LRRTM4: variants seen among roughly 807,000 people sequenced by gnomAD.
LRRTM4 encodes leucine rich repeat transmembrane neuronal 4.
In LRRTM4, 25 loss-of-function variants were observed where a neutral mutation model predicts 47.6. The observed-to-expected ratio is 0.53, with a 90% CI of 0.38 to 0.73. LRRTM4 has a LOEUF of 0.73. Among genes scored for constraint, LRRTM4 ranks in the 30% least tolerant of loss-of-function variants. LRRTM4 has a pLI of 0.00. For missense variants in LRRTM4, 638 were observed against 713.4 expected, an observed-to-expected ratio of 0.89 and a Z score of 1.20; for synonymous variants, 311 against 269.5, an observed-to-expected ratio of 1.15 and a Z score of -1.51.
At chr2:77,382,728 A>G (rs1335549009) in intron 3 of LRRTM4, among the ~76,000 whole-genome samples, 1 of 152,116 alleles carries the variant, frequency 6.6e-6, no homozygotes, top group African/African-American at 2.4e-5. Context: ...TTCTGCTCAG[A>G]TCATTTTAGA....
At chr2:77,521,323 A>G (rs1268590457) in intron 2 of LRRTM4, among the ~76,000 whole-genome samples, 1 of 152,074 alleles carries the variant, frequency 6.6e-6, no homozygotes, top group Non-Finnish European at 1.5e-5. Context: ...GACAGCTACC[A>G]GAAACACAAG....
chr2:77,081,072 A>C (rs1012171855), intron 3 of LRRTM4, among the ~76,000 whole-genome samples: 16 of 151,770 alleles, frequency 1.1e-4, no homozygotes, highest in African/African-American at 3.6e-4. Flanking sequence ...GTAATTTATC[A>C]CCTTTCTCTA....
At chr2:77,172,075 C>G (rs1673063829) in intron 3 of LRRTM4, among the ~76,000 whole-genome samples, 1 of 152,190 alleles carries the variant, frequency 6.6e-6, no homozygotes, top group Non-Finnish European at 1.5e-5. Flanking sequence ...CTGCCTGCAA[C>G]TTCCTTACAA....
intron 3 of LRRTM4, among the ~76,000 whole-genome samples, chr2:76,872,081 A>G (rs1265237105): frequency 6.6e-6 from 1 of 152,216 alleles, no homozygotes; most frequent in Non-Finnish European, 1.5e-5. Context: ...AGTATGTGCT[A>G]TTTTAAGCTG....
intron 3 of LRRTM4, among the ~76,000 whole-genome samples, chr2:77,204,495 C>G (rs907926154): frequency 6.6e-6 from 1 of 151,922 alleles, no homozygotes; most frequent in African/African-American, 2.4e-5. Flanking sequence ...AGAAACTATT[C>G]TAGTTGGGGA....
chr2:76,836,159 TAAA>T (rs11361011), intron 3 of LRRTM4, among the ~76,000 whole-genome samples: 7,226 of 146,044 alleles, frequency 0.049, 553 homozygotes, highest in African/African-American at 0.16. Flanking sequence ...TAGTATGCGG[TAAA>T]AAAAAAAAAA....
chr2:77,416,536 C>T (rs1001760505), intron 3 of LRRTM4, among the ~76,000 whole-genome samples: 1 of 151,994 alleles, frequency 6.6e-6, no homozygotes, highest in Non-Finnish European at 1.5e-5. Context: ...ATTAAAATGG[C>T]TACAAATTCA....
chr2:77,018,772 T>TAAGTCCTTTGATG (rs11271113), intron 3 of LRRTM4, among the ~76,000 whole-genome samples: 85,126 of 151,744 alleles, frequency 0.56, 26,254 homozygotes, highest in African/African-American at 0.83. Flanking sequence ...TTAAGAAGTT[T>TAAGTCCTTTGATG]AAGTTCTTTG....
chr2:77,218,502 CTTTATTTATTTATTTA>C (rs10607132), intron 3 of LRRTM4, among the ~76,000 whole-genome samples: 16 of 146,126 alleles, frequency 1.1e-4, no homozygotes, highest in Admixed American at 5.5e-4. Context: ...CCATGTTCTG[CTTTATTTATTTATTTA>C]TTTATTTATT....
chr2:76,901,669 G>A (rs111437377), intron 3 of LRRTM4, among the ~76,000 whole-genome samples: 4 of 152,108 alleles, frequency 2.6e-5, no homozygotes, highest in African/African-American at 4.8e-5. Flanking sequence ...ACATGTTACT[G>A]TCTGTAGATA....
intron 3 of LRRTM4, among the ~76,000 whole-genome samples, chr2:77,505,063 G>T (rs1280055729): frequency 2.7e-5 from 4 of 150,780 alleles, no homozygotes; most frequent in African/African-American, 7.3e-5. Context: ...AACTAATAAA[G>T]AACATAATAT....
intron 3 of LRRTM4, among the ~76,000 whole-genome samples, chr2:77,319,653 G>T (rs572479654): frequency 1.3e-4 from 20 of 152,256 alleles, no homozygotes; most frequent in Non-Finnish European, 1.9e-4. Flanking sequence ...CAGATTTTCT[G>T]GCGTACAGGC....
intron 3 of LRRTM4, among the ~76,000 whole-genome samples, chr2:77,299,447 C>G (rs1677068984): frequency 6.6e-6 from 1 of 151,778 alleles, no homozygotes. Context: ...TTTACATTTT[C>G]ATTATTTCCA....
At chr2:77,283,302 C>A (rs1676557119) in intron 3 of LRRTM4, among the ~76,000 whole-genome samples, 3 of 151,864 alleles carry the variant, frequency 2.0e-5, no homozygotes, top group Non-Finnish European at 4.4e-5. Flanking sequence ...GTCAGAATGG[C>A]TATTATAAAA....
rs1427571574 is a variant in LRRTM4, at chr2:77,206,516, G to A, written c.1551+311802C>T. On this transcript the variant is annotated intron_variant, in intron 3 of 3. Transcript: ENST00000409884. Reference sequence around the variant, plus strand: ...AAGATTTTTTTTGAGACAGAGTCTCGCACAGTCACCCAGGCTGGAGTGCAG... The same window carrying A: ...AAGATTTTTTTTGAGACAGAGTCTCACACAGTCACCCAGGCTGGAGTGCAG... Among the ~76,000 whole-genome samples, 7 of 150,652 alleles carry A rather than the reference G, an allele frequency of 4.6e-5. No individual in the cohort carries two copies. The South Asian group carries it at 1.1e-3, about 23-fold the overall frequency.
intron 3 of LRRTM4, among the ~76,000 whole-genome samples, chr2:77,233,260 T>G (rs561956310): frequency 2.0e-5 from 3 of 152,344 alleles, no homozygotes; most frequent in East Asian, 3.9e-4. Flanking sequence ...TCCTTTTTGC[T>G]CATTCTTTAA....
At chr2:76,784,562 A>G (rs1674572970) in intron 3 of LRRTM4, among the ~76,000 whole-genome samples, 1 of 152,102 alleles carries the variant, frequency 6.6e-6, no homozygotes, top group Admixed American at 6.5e-5. Flanking sequence ...TAAAGTAAAT[A>G]AATGCAATAT....
At chr2:77,288,023 C>A (rs1160436631) in intron 3 of LRRTM4, among the ~76,000 whole-genome samples, 2 of 151,904 alleles carry the variant, frequency 1.3e-5, no homozygotes, top group African/African-American at 4.8e-5. Context: ...CAAAAGGCAG[C>A]CAGCCATAAC....
intron 3 of LRRTM4, among the ~76,000 whole-genome samples, chr2:77,071,976 G>C (rs887021960): frequency 6.6e-6 from 1 of 152,126 alleles, no homozygotes; most frequent in Non-Finnish European, 1.5e-5. Context: ...GACTTGGTAA[G>C]ACTCTCTTAT....
Sources: gnomAD v4.1 joint callset for allele counts (sites outside exome capture counted in the v4.1 genomes callset) on GRCh38, gnomAD v4.1.1 for gene constraint, MANE v1.5 for transcripts, NCBI Gene and HGNC (gene_info 2026-07-23, HGNC 2026-07-21) for gene names.